Variants in SDE2 observed in about 807,000 individuals in gnomAD.
The protein encoded by SDE2 is splicing regulator SDE2.
In SDE2, 31 loss-of-function variants were observed where a neutral mutation model predicts 46.9. The ratio of observed to expected loss-of-function variants is 0.66; its 90% confidence interval spans 0.50 to 0.89. SDE2 has a LOEUF of 0.89. SDE2 is among the 40% of genes least tolerant of loss of function. The pLI is 0.00. For synonymous variants in SDE2, 205 were observed against 204.3 expected (o/e 1.00, Z -0.03); for missense variants, 542 against 564.4 (o/e 0.96, Z 0.40).
chr1:225,993,407 C>G (rs908890438), intron 2 of SDE2, among the ~76,000 whole-genome samples: 10 of 152,050 alleles, frequency 6.6e-5, no homozygotes, highest in Non-Finnish European at 1.3e-4. Context: ...GTCAGGAGAT[C>G]AAGACCATCC....
At position 225,982,707 on chromosome 1, in the gene SDE2, GAATA is replaced by G. The variant is rs1656158021; in HGVS notation, c.*2591_*2594del. 1 of 152,018 alleles carries G rather than the reference GAATA, an allele frequency of 6.6e-6. No individual in the cohort carries two copies. Among genetic ancestry groups the G allele is most frequent in the Non-Finnish European group, 1.5e-5 (1 of 68,002 alleles). 9.4% of individuals were successfully genotyped at this position (152,018 alleles called of 1,614,324 possible). ...AGAATATTAGAAATGGTAAATATGT[GAATA>G]AATACAAAAGATTTTATTTTTTCCT... On this transcript the variant is annotated 3_prime_UTR_variant, in exon 7 of 7. Coordinates refer to ENST00000272091, the MANE Select transcript of SDE2 (RefSeq NM_152608.4).
intron 5 of SDE2, among the ~76,000 whole-genome samples, chr1:225,990,075 C>CAA (rs776282584): frequency 2.7e-4 from 31 of 114,466 alleles, no homozygotes; most frequent in African/African-American, 8.3e-4. Flanking sequence ...GAACCTGTCT[C>CAA]AAAAAAAAAA....
chr1:225,992,706 G>T, intron 3 of SDE2, 139 bp from the exon 4 acceptor site: 1 of 677,124 alleles, frequency 1.5e-6, no homozygotes, highest in Non-Finnish European at 2.5e-6. Context: ...CTTACTACTA[G>T]CATATGGTAC....
chr1:225,988,163 A>C lies in SDE2; in HGVS notation c.867T>G (p.Ser289=). 3 of 1,614,174 alleles carry C rather than the reference A, an allele frequency of 1.9e-6. No homozygotes were observed. The highest frequency in any genetic ancestry group is 2.5e-6 in the Non-Finnish European group (3 of 1,180,028). Residue 289 remains serine, a synonymous_variant, in exon 6 of 7, where the codon TCT becomes TCG. Coordinates refer to ENST00000272091, the MANE Select transcript of SDE2 (RefSeq NM_152608.4). ...PEQLQIPVTD[S]GRHILEDSCA... The stretch of plus-strand genomic sequence containing the variant: ...ATGAGTCTTCTAAAATATGCCTCCC[A>C]GAGTCAGTCACCGGGATCTGCAGTT...
chr1:225,986,228 C>G (rs1656264884), intron 6 of SDE2, among the ~76,000 whole-genome samples: 1 of 151,700 alleles, frequency 6.6e-6, no homozygotes, highest in Non-Finnish European at 1.5e-5. Flanking sequence ...TGCCTGTAGT[C>G]TCAGCTACTT....
At chr1:225,988,459 A>C in intron 5 of SDE2, 71 bp from the exon 6 acceptor site, 1 of 1,516,056 alleles carries the variant, frequency 6.6e-7, no homozygotes, top group South Asian at 1.2e-5. Context: ...GGCTGGGCGC[A>C]GTGGCTCAGG....
chr1:225,992,502 C>T lies in SDE2; in HGVS notation c.416G>A (p.Arg139Gln), dbSNP rs368528473. ...EAEKEQKRLE[R>Q]LQRKLVEPKH... ...GGGTTCTACAAGCTTCCGCTGCAGT[C>T]GCTCCAGCCGCTTCTGCTCCTTTTC... is the stretch of plus-strand genomic sequence containing the variant. The change falls in exon 4 of 7, where the codon CGA becomes CAA. Residue 139 changes from arginine to glutamine, a missense_variant. Around this residue, in one of 3 missense-constraint regions of SDE2, gnomAD observed 401 missense variants for 437.8 expected, o/e 0.92. Coordinates refer to ENST00000272091, the MANE Select transcript of SDE2 (RefSeq NM_152608.4). 3.6e-5 allele frequency: 58 copies of T among 1,612,370 alleles called. No homozygotes were observed. The highest frequency in any genetic ancestry group is 5.0e-5 in the Admixed American group (3 of 59,988).
Position 225,985,391 on chromosome 1 carries a change from C to G in SDE2, c.1267G>C (p.Ala423Pro). 1.2e-6 allele frequency: 2 copies of G among 1,614,192 alleles called. No individual in the cohort carries two copies. The highest frequency in any genetic ancestry group is 2.2e-5 in the South Asian group (2 of 91,086). ...LKCGGTLQER[A>P]ARLFSVRGLA... Reference sequence around the variant, plus strand: ...CCTCTGACAGAGAAGAGTCTTGCTGCCCGCTCCTGCAGAGTGCCCCCACAT... The same window carrying G: ...CCTCTGACAGAGAAGAGTCTTGCTGGCCGCTCCTGCAGAGTGCCCCCACAT... Residue 423 changes from alanine (A) to proline (P), a missense_variant, in exon 7 of 7, where the codon GCA becomes CCA. By Grantham distance (27) the Ala-to-Pro change is conservative (BLOSUM62 -1). This residue lies in a region of SDE2 where 401 missense variants were observed against 437.8 expected (regional missense o/e 0.92). Transcript: ENST00000272091.
chr1:225,983,031 ATAATC>A lies in SDE2; in HGVS notation c.*2266_*2270del, dbSNP rs1346624581. 3 of 152,212 alleles carry A rather than the reference ATAATC, an allele frequency of 2.0e-5. No individual in the cohort carries two copies. Among genetic ancestry groups the A allele is most frequent in the East Asian group, 2.0e-4 (1 of 5,106 alleles). 9.4% of individuals were successfully genotyped at this position (152,212 alleles called of 1,614,324 possible). ...CAATAAATTAAAATACAATTATAAA[ATAATC>A]TTATCTAAACAGGAAACATGTAAAT... On this transcript the variant is annotated 3_prime_UTR_variant, in exon 7 of 7. Transcript: ENST00000272091.
rs1656604789 is a variant in SDE2, at chr1:225,999,324, C to T, written c.-12G>A. 1.2e-6 allele frequency: 2 copies of T among 1,610,336 alleles called. No individual in the cohort carries two copies. The highest frequency in any genetic ancestry group is 1.7e-6 in the Non-Finnish European group (2 of 1,178,450). On this transcript the variant is annotated 5_prime_UTR_variant, in exon 1 of 7. Transcript: ENST00000272091. The stretch of plus-strand genomic sequence containing the variant: ...GCGGCCTCCGCCATGTCACCGACTA[C>T]CCGAACCTCAAGCCTCTCTGAGACA...
intron 2 of SDE2, among the ~76,000 whole-genome samples, chr1:225,994,832 G>A (rs1205246790): frequency 1.3e-5 from 2 of 151,966 alleles, no homozygotes; most frequent in South Asian, 2.1e-4. Context: ...TTTCTTCCTC[G>A]ACCAAAATAA....
Position 225,983,594 on chromosome 1 carries a change from C to T in SDE2, c.*1708G>A, listed in dbSNP as rs1234829709. Reference sequence around the variant, plus strand: ...ATGGTCTCACTATACATTGCCCAGGCTGGTCTCGAAATGATCCTCCCACCT... The same window carrying T: ...ATGGTCTCACTATACATTGCCCAGGTTGGTCTCGAAATGATCCTCCCACCT... On this transcript the variant is annotated 3_prime_UTR_variant, in exon 7 of 7. Coordinates refer to ENST00000272091, the MANE Select transcript of SDE2 (RefSeq NM_152608.4). The T allele has an allele frequency of 6.6e-6, 1 of 152,098 alleles. No homozygotes were observed. The allele number at this position is 152,098 out of a possible 1,614,324, so 9.4% of individuals were successfully genotyped here.
rs1268802076 is a variant in SDE2, at chr1:225,984,362, T to G, written c.*940A>C. The G allele has an allele frequency of 6.6e-6, 1 of 152,126 alleles. No homozygotes were observed. Among genetic ancestry groups the G allele is most frequent in the Admixed American group, 6.5e-5 (1 of 15,274 alleles). The allele number at this position is 152,126 out of a possible 1,614,324, so 9.4% of individuals were successfully genotyped here. A position where few individuals can be genotyped will look rare whatever the true frequency, so the allele number is the denominator to read the frequency against. On this transcript the variant is annotated 3_prime_UTR_variant, in exon 7 of 7. Coordinates refer to ENST00000272091, the MANE Select transcript of SDE2 (RefSeq NM_152608.4). ...AAAATGTATAGCTTTAAATATGTAT[T>G]TTAAATAACGTCTAAGATCAATGAC... is the stretch of plus-strand genomic sequence containing the variant.
At chr1:225,993,182 T>C (rs1656444578) in intron 2 of SDE2, among the ~76,000 whole-genome samples, 180 bp from the exon 3 acceptor site, 2 of 151,906 alleles carry the variant, frequency 1.3e-5, no homozygotes, top group African/African-American at 4.8e-5. Flanking sequence ...GTAAAAAGAC[T>C]GATTTAACCT....
In SDE2 at chr1:225,988,408, G is replaced by T; in HGVS notation, c.642-20C>A. ...CCCAACCTGTCAGAAGCAACAGAAA[G>T]GTTTAACAGCGTTTGTAGCTTCTAT... is the stretch of plus-strand genomic sequence containing the variant. On this transcript the variant is annotated intron_variant, in intron 5 of 6. Coordinates refer to ENST00000272091, the MANE Select transcript of SDE2 (RefSeq NM_152608.4). 6.2e-7 allele frequency: 1 copy of T among 1,611,512 alleles called. No individual in the cohort carries two copies.
intron 5 of SDE2, 106 bp from the exon 6 acceptor site, chr1:225,988,494 G>A: frequency 9.3e-7 from 1 of 1,079,716 alleles, no homozygotes; most frequent in African/African-American, 1.6e-5. Flanking sequence ...ACTTTGGGAG[G>A]CCAAGGCAGG....
In SDE2 at chr1:225,987,771, ACTT is replaced by A. The variant is rs1026157829; in HGVS notation, c.1134+122_1134+124del. 8 of 918,904 alleles carry A rather than the reference ACTT, an allele frequency of 8.7e-6. No homozygotes were observed. In the African/African-American group the frequency reaches 1.2e-4, roughly 13 times the overall value. The allele number at this position is 918,904 out of a possible 1,614,324, so 56.9% of individuals were successfully genotyped here. ...TAAGGCAAGCTTCACCATAATCTGT[ACTT>A]CTTAAAATCAAATAAGCCTTTCACT... On this transcript the variant is annotated intron_variant, in intron 6 of 6. Coordinates refer to ENST00000272091, the MANE Select transcript of SDE2 (RefSeq NM_152608.4).
chr1:225,985,339 G>C lies in SDE2; in HGVS notation c.1319C>G (p.Ala440Gly), dbSNP rs761148661. 4 of 1,614,032 alleles carry C rather than the reference G, an allele frequency of 2.5e-6. No homozygotes were observed. Among genetic ancestry groups the C allele is most frequent in the East Asian group, 4.5e-5 (2 of 44,898 alleles). The change falls in exon 7 of 7, where the codon GCT becomes GGT. Residue 440 changes from alanine to glycine, a missense_variant. Physicochemically the swap from Ala to Gly is moderately conservative, Grantham distance 60 (BLOSUM62 0). Around this residue, in one of 3 missense-constraint regions of SDE2, gnomAD observed 401 missense variants for 437.8 expected, o/e 0.92. Coordinates refer to ENST00000272091, the MANE Select transcript of SDE2 (RefSeq NM_152608.4). Reference protein sequence around the residue: ...RGLAKEQIDPALFAKPLKGKK... With the variant: ...RGLAKEQIDPGLFAKPLKGKK... ...CCCTTTCAAAGGCTTGGCAAATAAA[G>C]CCGGGTCAATTTGCTCCTTTGCCAG...
At position 225,987,893 on chromosome 1, in the gene SDE2, T is replaced by G. The variant is rs1409064491; in HGVS notation, c.1134+3A>C. On this transcript the variant is annotated splice_donor_region_variant and intron_variant, in intron 6 of 6. Coordinates refer to ENST00000272091, the MANE Select transcript of SDE2 (RefSeq NM_152608.4). ...CTAGGTATCAACCCCAAAACATACT[T>G]ACTGCGTTTCCTGGCTGGCTTTCCT... 1 of 1,609,180 alleles carries G rather than the reference T, an allele frequency of 6.2e-7. No individual in the cohort carries two copies. The highest frequency in any genetic ancestry group is 1.3e-5 in the African/African-American group (1 of 74,500).
Sources: gnomAD v4.1 joint callset for allele counts (sites outside exome capture counted in the v4.1 genomes callset) on GRCh38, gnomAD v4.1.1 for gene constraint, gnomAD v4.1.1 regional missense constraint, MANE v1.5 for transcripts, NCBI Gene and HGNC (gene_info 2026-07-23, HGNC 2026-07-21) for gene names.